The following NDUFA3 variants were observed in gnomAD, a reference collection of about 807,000 sequenced individuals.
The protein encoded by NDUFA3 is NADH:ubiquinone oxidoreductase subunit A3.
NDUFA3 carries 10 observed loss-of-function variants against 11.4 expected under a neutral mutation model. The ratio of observed to expected loss-of-function variants is 0.87; its 90% CI spans 0.54 to 1.48. The LOEUF (loss-of-function observed/expected upper bound fraction) is 1.48, where lower values mean the gene tolerates loss of function less well. Ranked by LOEUF, NDUFA3 falls within the 40% of genes most tolerant of loss-of-function variation. The probability of loss-of-function intolerance (pLI) is 0.00; values close to 1 mark genes in which losing one functional copy is unlikely to be tolerated. For synonymous variants in NDUFA3, 39 were observed against 46.9 expected (o/e 0.83, Z 0.68); for missense variants, 115 against 110.5 (o/e 1.04, Z -0.18).
rs2146345721 is a variant in NDUFA3 at position 54,107,460 on chromosome 19, G to A, written c.*558G>A. 1 of 409,200 alleles carries A rather than the reference G, an allele frequency of 2.4e-6. No homozygotes were observed. The highest frequency in any genetic ancestry group is 4.4e-6 in the Non-Finnish European group (1 of 225,872). 25.3% of individuals were successfully genotyped at this position (409,200 alleles called of 1,614,324 possible). ...GATGGGGTCTCAGTATGTTGCTCAG[G>A]CAGGTCTCAGACTCCTGGCCTCAAG... On this transcript the variant is annotated 3_prime_UTR_variant, in exon 4 of 4. Transcript: ENST00000485876.
intron 2 of NDUFA3, among the ~76,000 whole-genome samples, chr19:54,105,083 C>T: frequency 6.6e-6 from 1 of 152,004 alleles, no homozygotes; most frequent in Non-Finnish European, 1.5e-5. Context: ...CTTATTTTTA[C>T]TGTAGCTACT....
At chr19:54,104,983 CCGT>C (rs2146337536) in intron 2 of NDUFA3, among the ~76,000 whole-genome samples, 3 of 152,096 alleles carry the variant, frequency 2.0e-5, no homozygotes, top group South Asian at 2.1e-4. Context: ...GGTGATCCAC[CCGT>C]CTCAGCCTCC....
chr19:54,102,918 C>T (rs769866681), intron 1 of NDUFA3, 30 bp downstream of exon 1: 1 of 1,608,104 alleles, frequency 6.2e-7, no homozygotes, highest in Non-Finnish European at 8.5e-7. Flanking sequence ...GCGCACGGGG[C>T]TCGGGTAGTT....
rs753163284 is a variant in NDUFA3, at chr19:54,106,801, T to C, written c.164-10T>C. The C allele has an allele frequency of 1.2e-6, 2 of 1,603,624 alleles. No homozygotes were observed. Among genetic ancestry groups the C allele is most frequent in the Non-Finnish European group, 1.7e-6 (2 of 1,175,140 alleles). ...GTGCTGGTCTCAGTGGCCCACCTCC[T>C]GCCCCACAGTGCCCGTCCGTGATGA... On this transcript the variant is annotated splice_polypyrimidine_tract_variant and intron_variant, in intron 3 of 3. Coordinates refer to ENST00000485876, the MANE Select transcript of NDUFA3 (RefSeq NM_004542.4).
At chr19:54,106,263 A>G (rs587665600) in intron 3 of NDUFA3, 92 of 500,572 alleles carry the variant, frequency 1.8e-4, no homozygotes, top group African/African-American at 1.6e-3. Flanking sequence ...CAGTGGCGCG[A>G]TCTCAGCTCA....
intron 2 of NDUFA3, chr19:54,105,616 C>A (rs1416773584): frequency 1.7e-6 from 1 of 598,224 alleles, no homozygotes; most frequent in Non-Finnish European, 3.2e-6. Flanking sequence ...ATGACACTAC[C>A]CCCAGGATGC....
chr19:54,106,018 G>A lies in NDUFA3; in HGVS notation c.163+7G>A. 1 of 1,610,774 alleles carries A rather than the reference G, an allele frequency of 6.2e-7. No individual in the cohort carries two copies. The highest frequency in any genetic ancestry group is 8.5e-7 in the Non-Finnish European group (1 of 1,177,070). ...ACGCCCTACAACTACCCAGGTGAGT[G>A]GGGGCCAGGCAGGGATCCCCGGAAT... is the stretch of plus-strand genomic sequence containing the variant. On this transcript the variant is annotated splice_region_variant and intron_variant, in intron 3 of 3. Coordinates refer to ENST00000485876, the MANE Select transcript of NDUFA3 (RefSeq NM_004542.4).
At chr19:54,103,227 C>A (rs370396692) in intron 2 of NDUFA3, 39 bp downstream of exon 2, 80 of 1,552,164 alleles carry the variant, frequency 5.2e-5, no homozygotes, top group Non-Finnish European at 6.8e-5. Context: ...CATCGTCCAC[C>A]CCCGTCCCCC....
Position 54,107,369 on chromosome 19 carries a change from TTCCC to T in NDUFA3, c.*468_*471del. Reference sequence around the variant, plus strand: ...GCTCAAGTGATCCTCCCACCTCAGCTTCCCAAGTAGCTGGGACTACAGGCACTTG... The same window carrying T: ...GCTCAAGTGATCCTCCCACCTCAGCTAAGTAGCTGGGACTACAGGCACTTG... On this transcript the variant is annotated 3_prime_UTR_variant, in exon 4 of 4. Coordinates refer to ENST00000485876, the MANE Select transcript of NDUFA3 (RefSeq NM_004542.4). 1.5e-6 allele frequency: 1 copy of T among 662,986 alleles called. No homozygotes were observed. The highest frequency in any genetic ancestry group is 2.8e-5 in the East Asian group (1 of 35,138). 41.1% of individuals were successfully genotyped at this position (662,986 alleles called of 1,614,324 possible). A position where few individuals can be genotyped will look rare whatever the true frequency, so the allele number is the denominator to read the frequency against.
In NDUFA3 at chr19:54,103,119, G is replaced by A; in HGVS notation, c.16G>A (p.Gly6Ser). Residue 6 changes from glycine (G) to serine (S), a missense_variant, in exon 2 of 4, where the codon GGC becomes AGC. Coordinates refer to ENST00000485876, the MANE Select transcript of NDUFA3 (RefSeq NM_004542.4). MAARVGAFLKNAWDKE... is the reference protein window; with the variant it reads MAARVSAFLKNAWDKE... ...GCTTCTTGCCACCCCTTCAGGAGTC[G>A]GCGCCTTCCTCAAGAATGCCTGGGA... is the stretch of plus-strand genomic sequence containing the variant. 1.2e-6 allele frequency: 2 copies of A among 1,612,202 alleles called. No homozygotes were observed. Among genetic ancestry groups the A allele is most frequent in the Non-Finnish European group, 1.7e-6 (2 of 1,179,024 alleles).
chr19:54,105,827 C>T, intron 2 of NDUFA3, 107 bp from the exon 3 acceptor site: 2 of 917,754 alleles, frequency 2.2e-6, no homozygotes, highest in Admixed American at 1.8e-5. Flanking sequence ...GCCCTCCCTG[C>T]TGCCCTCCCC....
intron 2 of NDUFA3, among the ~76,000 whole-genome samples, chr19:54,103,943 C>T (rs1224746038): frequency 4.6e-5 from 7 of 152,064 alleles, no homozygotes; most frequent in African/African-American, 7.2e-5. Context: ...ACGCCATTCT[C>T]CTGCCTCAGC....
chr19:54,107,309 T>A lies in NDUFA3; in HGVS notation c.*407T>A. On this transcript the variant is annotated 3_prime_UTR_variant, in exon 4 of 4. Transcript: ENST00000485876. Reference sequence around the variant, plus strand: ...TGTTGCCCAGGCTGGAGTGCAGTGGTGCCATCATAGTTCACTGCAGCCTCT... The same window carrying A: ...TGTTGCCCAGGCTGGAGTGCAGTGGAGCCATCATAGTTCACTGCAGCCTCT... The A allele has an allele frequency of 8.6e-7, 1 of 1,166,072 alleles. No individual in the cohort carries two copies. Among genetic ancestry groups the A allele is most frequent in the Non-Finnish European group, 1.2e-6 (1 of 827,842 alleles). The allele number at this position is 1,166,072 out of a possible 1,614,324, so 72.2% of individuals were successfully genotyped here. A position where few individuals can be genotyped will look rare whatever the true frequency, so the allele number is the denominator to read the frequency against.
At chr19:54,103,019 C>T (rs1410037173) in intron 1 of NDUFA3, 95 bp from the exon 2 acceptor site, 11 of 1,534,570 alleles carry the variant, frequency 7.2e-6, no homozygotes, top group Non-Finnish European at 2.7e-6. Flanking sequence ...GCAGAAGTCA[C>T]GAGGGGGCTC....
intron 3 of NDUFA3, 164 bp downstream of exon 3, chr19:54,106,175 A>C: frequency 1.5e-6 from 1 of 661,880 alleles, no homozygotes. Context: ...TTCGTATACT[A>C]TTCTGTGTTT....
intron 2 of NDUFA3, among the ~76,000 whole-genome samples, chr19:54,104,866 G>A (rs1483486012): frequency 6.6e-6 from 1 of 151,832 alleles, no homozygotes; most frequent in Non-Finnish European, 1.5e-5. Context: ...AGCCTCCTTA[G>A]TAGCTGGGAT....
At chr19:54,106,058 T>C (rs1277550484) in intron 3 of NDUFA3, 47 bp downstream of exon 3, 3 of 1,546,234 alleles carry the variant, frequency 1.9e-6, no homozygotes, top group Non-Finnish European at 1.8e-6. Flanking sequence ...CCAGCCTCCC[T>C]GTGCTGGCGT....
chr19:54,105,264 C>CTTTTTTTTTTTTTTTTTT lies in NDUFA3; in HGVS notation c.86-666_86-649dup, dbSNP rs796770972. On this transcript the variant is annotated intron_variant, in intron 2 of 3. Coordinates refer to ENST00000485876, the MANE Select transcript of NDUFA3 (RefSeq NM_004542.4). ...ACCCTTTCTCCTCCAGTTTGTAAGG[C>CTTTTTTTTTTTTTTTTTT]TTTTTTTTTTTTTTTTTTTTTGGTG... 1.1e-3 allele frequency among the ~76,000 whole-genome samples: 80 copies of CTTTTTTTTTTTTTTTTTT among 71,260 alleles called. 8 individuals carry two copies. The highest frequency in any genetic ancestry group is 0.011 in the Middle Eastern group (1 of 92). The allele number at this position is 71,260 out of a possible 152,430, so 46.7% of individuals were successfully genotyped here. A position where few individuals can be genotyped will look rare whatever the true frequency, so the allele number is the denominator to read the frequency against.
chr19:54,106,490 C>G (rs1448962621), intron 3 of NDUFA3: 1 of 407,474 alleles, frequency 2.5e-6, no homozygotes, highest in Non-Finnish European at 4.4e-6. Flanking sequence ...TTTCTATTAC[C>G]TTTCCAGATT....
Sources: allele counts gnomAD v4.1 joint callset (sites outside exome capture counted in the v4.1 genomes callset), GRCh38; gene constraint gnomAD v4.1.1; transcripts MANE v1.5; gene names NCBI Gene and HGNC (gene_info 2026-07-23, HGNC 2026-07-21).